PITPNC1: variants seen among roughly 807,000 people sequenced by gnomAD.
The protein encoded by PITPNC1 is phosphatidylinositol transfer protein cytoplasmic 1.
PITPNC1 carries 18 observed loss-of-function variants against 44.7 expected under a neutral mutation model. That is an observed-to-expected ratio of 0.40 (90% CI 0.28 to 0.60). PITPNC1 has a LOEUF of 0.60. Among genes scored for constraint, PITPNC1 ranks in the 20% least tolerant of loss-of-function variants. The pLI, the probability that PITPNC1 is intolerant of heterozygous loss-of-function variation, is 0.39. For missense variants in PITPNC1, 290 were observed against 418.4 expected (o/e 0.69, Z 2.68); for synonymous variants, 141 against 149.6 (o/e 0.94, Z 0.42).
intron 1 of PITPNC1, chr17:67,379,247 T>G (rs549205393): frequency 5.0e-4 from 495 of 985,724 alleles, no homozygotes; most frequent in Non-Finnish European, 5.6e-4. Context: ...TATTTAAATC[T>G]GGTGCCTCGA....
At chr17:67,448,529 C>A (rs537270905) in intron 1 of PITPNC1, among the ~76,000 whole-genome samples, 1 of 152,262 alleles carries the variant, frequency 6.6e-6, no homozygotes, top group Admixed American at 6.5e-5. Context: ...GTTGGGGGTG[C>A]TTCATGCTTT....
chr17:67,506,943 T>G (rs1013401666), intron 1 of PITPNC1, among the ~76,000 whole-genome samples: 1 of 152,216 alleles, frequency 6.6e-6, no homozygotes, highest in Non-Finnish European at 1.5e-5. Context: ...GATTTGTTTT[T>G]TTAAAAAAGT....
rs147580649 is a variant in PITPNC1, at chr17:67,636,458, G to A, written c.462+4220G>A. On this transcript the variant is annotated intron_variant, in intron 6 of 8. Coordinates refer to ENST00000581322, the MANE Select transcript of PITPNC1 (RefSeq NM_012417.4). ...AGTCTTACGGTTACTAAATGGATGC[G>A]GGAGAAGGGGCCCCATAGGGCTGAG... Among the ~76,000 whole-genome samples, 1,446 of 152,196 alleles carry A rather than the reference G, an allele frequency of 9.5e-3. 28 individuals carry two copies. The highest frequency in any genetic ancestry group is 0.034 in the African/African-American group (1,391 of 41,510).
intron 1 of PITPNC1, among the ~76,000 whole-genome samples, chr17:67,431,576 G>T (rs890591678): frequency 1.3e-5 from 2 of 152,196 alleles, no homozygotes; most frequent in Non-Finnish European, 1.5e-5. Context: ...TTTGGACGTT[G>T]AGTGGAATAC....
chr17:67,657,805 C>T (rs971392729), intron 6 of PITPNC1, among the ~76,000 whole-genome samples: 2 of 152,240 alleles, frequency 1.3e-5, no homozygotes, highest in African/African-American at 4.8e-5. Context: ...GCAAGCAATA[C>T]TTTTCCAGTC....
chr17:67,407,239 A>G (rs1453574103), intron 1 of PITPNC1, among the ~76,000 whole-genome samples: 1 of 151,984 alleles, frequency 6.6e-6, no homozygotes, highest in African/African-American at 2.4e-5. Flanking sequence ...TGTGATTTTG[A>G]TTTGCATTTC....
chr17:67,622,514 C>CTTTTTT (rs1254933576), intron 5 of PITPNC1, among the ~76,000 whole-genome samples: 1 of 118,976 alleles, frequency 8.4e-6, no homozygotes, highest in Admixed American at 8.9e-5. Context: ...GTAGCCTGGA[C>CTTTTTT]TTTTTTTTTT....
At chr17:67,399,202 A>G (rs1222566659) in intron 1 of PITPNC1, among the ~76,000 whole-genome samples, 1 of 151,730 alleles carries the variant, frequency 6.6e-6, no homozygotes, top group Non-Finnish European at 1.5e-5. Context: ...TTTAGTAGAG[A>G]CGGGGTTTCA....
intron 6 of PITPNC1, among the ~76,000 whole-genome samples, chr17:67,642,964 G>A (rs968686295): frequency 6.6e-6 from 1 of 152,110 alleles, no homozygotes; most frequent in East Asian, 1.9e-4. Context: ...AATTGAATTT[G>A]GTAGTGAAAT....
Position 67,520,715 on chromosome 17 carries a change from C to A in PITPNC1, c.49-12087C>A, listed in dbSNP as rs531170317. Among the ~76,000 whole-genome samples the A allele has an allele frequency of 1.8e-4, 27 of 152,250 alleles. 2 individuals are homozygous for A. The South Asian group carries it at 5.4e-3, about 31-fold the overall frequency. On this transcript the variant is annotated intron_variant, in intron 1 of 8. Transcript: ENST00000581322. ...CCCCACAGCCAACGTATGAAGAAATCCCATGTTCTGCTTCTAGAGCCAACT... is the reference window on the plus strand; with the variant it reads ...CCCCACAGCCAACGTATGAAGAAATACCATGTTCTGCTTCTAGAGCCAACT...
intron 1 of PITPNC1, among the ~76,000 whole-genome samples, chr17:67,495,204 T>C (rs113373904): frequency 0.13 from 19,584 of 151,120 alleles, 1,387 homozygotes; most frequent in Middle Eastern, 0.22. Flanking sequence ...CTACAGGCGC[T>C]CGCCACCAGG....
chr17:67,539,737 CTGAGGCAGGAGAA>C (rs2040579142), intron 2 of PITPNC1, among the ~76,000 whole-genome samples: 1 of 152,110 alleles, frequency 6.6e-6, no homozygotes, highest in Admixed American at 6.6e-5. Context: ...ACTCGGGAGG[CTGAGGCAGGAGAA>C]TGGCGTGAAC....
intron 1 of PITPNC1, among the ~76,000 whole-genome samples, chr17:67,416,788 C>T (rs535611333): frequency 6.6e-6 from 1 of 152,254 alleles, no homozygotes; most frequent in South Asian, 2.1e-4. Flanking sequence ...GAAATGCTCA[C>T]AACATTCAGC....
intron 1 of PITPNC1, among the ~76,000 whole-genome samples, chr17:67,414,448 T>A (rs571010587): frequency 6.8e-6 from 1 of 145,986 alleles, no homozygotes; most frequent in South Asian, 2.4e-4. Flanking sequence ...CACCCCCCCA[T>A]ATATACTGTA....
At chr17:67,472,900 G>T (rs1475806286) in intron 1 of PITPNC1, among the ~76,000 whole-genome samples, 1 of 151,098 alleles carries the variant, frequency 6.6e-6, no homozygotes, top group Non-Finnish European at 1.5e-5. Context: ...TTTTTTGACG[G>T]AGTCTTGCTC....
rs527948719 is a variant in PITPNC1, at chr17:67,393,823, A to T, written c.48+15621A>T. Reference sequence around the variant, plus strand: ...TTTAGACCCCTTTTCTGAGTAAGGAAGACCAGTTAAAATGTTAGCTTATTT... The same window carrying T: ...TTTAGACCCCTTTTCTGAGTAAGGATGACCAGTTAAAATGTTAGCTTATTT... On this transcript the variant is annotated intron_variant, in intron 1 of 8. Transcript: ENST00000581322. Among the ~76,000 whole-genome samples the T allele has an allele frequency of 1.9e-4, 29 of 152,354 alleles. 1 individual carries two copies. The East Asian group carries it at 4.8e-3, about 25-fold the overall frequency.
intron 2 of PITPNC1, among the ~76,000 whole-genome samples, chr17:67,536,525 C>A (rs1199610407): frequency 2.0e-5 from 3 of 152,106 alleles, no homozygotes; most frequent in Non-Finnish European, 2.9e-5. Context: ...CCGTGCCCAG[C>A]CTAATTTTAG....
chr17:67,385,114 T>C (rs1294803097), intron 1 of PITPNC1, among the ~76,000 whole-genome samples: 1 of 152,202 alleles, frequency 6.6e-6, no homozygotes, highest in Non-Finnish European at 1.5e-5. Context: ...TGAAGCCAGT[T>C]GGACTTCTTG....
At chr17:67,488,760 G>A (rs565788662) in intron 1 of PITPNC1, among the ~76,000 whole-genome samples, 23 of 152,214 alleles carry the variant, frequency 1.5e-4, no homozygotes, top group African/African-American at 2.6e-4. Flanking sequence ...CCTGGCAGCC[G>A]CCCGTCTCTG....
Sources: gnomAD v4.1 joint callset for allele counts (sites outside exome capture counted in the v4.1 genomes callset) on GRCh38, gnomAD v4.1.1 for gene constraint, MANE v1.5 for transcripts, NCBI Gene and HGNC (gene_info 2026-07-23, HGNC 2026-07-21) for gene names.